Variants in NBAS observed in about 807,000 individuals in gnomAD.
The protein encoded by NBAS is NBAS subunit of NRZ tethering complex.
NBAS carries 219 observed loss-of-function variants against 302.5 expected under a neutral mutation model. The ratio of observed to expected loss-of-function variants is 0.72; its 90% confidence interval spans 0.65 to 0.81. The LOEUF (loss-of-function observed/expected upper bound fraction) is 0.81. Ranked by LOEUF, NBAS falls within the 30% of genes least tolerant of loss-of-function variation. The probability of loss-of-function intolerance (pLI) is 0.00; values close to 1 mark genes in which losing one functional copy is unlikely to be tolerated. For missense variants in NBAS, 2,932 were observed against 2,841.6 expected, an observed-to-expected ratio of 1.03 and a Z score of -0.72; for synonymous variants, 1,118 against 1,021.6, an observed-to-expected ratio of 1.09 and a Z score of -1.80.
intron 6 of NBAS, among the ~76,000 whole-genome samples, chr2:15,544,233 C>A (rs1025181873): frequency 6.6e-6 from 1 of 151,886 alleles, no homozygotes; most frequent in African/African-American, 2.4e-5. Context: ...ATCAGAGAAG[C>A]CAAATATGTA....
intron 16 of NBAS, among the ~76,000 whole-genome samples, chr2:15,471,973 C>G (rs575700040): frequency 6.6e-6 from 1 of 152,162 alleles, no homozygotes. Context: ...GCGGCTAAAA[C>G]TAATTGAGAC....
intron 38 of NBAS, among the ~76,000 whole-genome samples, chr2:15,321,833 G>C (rs1302967574): frequency 1.3e-5 from 2 of 152,128 alleles, no homozygotes; most frequent in African/African-American, 4.8e-5. Context: ...CAGTGTGGCG[G>C]ATTCCTCAAG....
At chr2:14,944,365 C>G in the NBAS span, among the ~76,000 whole-genome samples, 1 of 152,112 alleles carries the variant, frequency 6.6e-6, no homozygotes, top group Non-Finnish European at 1.5e-5. Flanking sequence ...GAATCCTGCA[C>G]AGTGTAAAGT....
chr2:14,787,171 T>C, the NBAS span, among the ~76,000 whole-genome samples: 2 of 152,220 alleles, frequency 1.3e-5, no homozygotes, highest in African/African-American at 4.8e-5. Context: ...TTCCATTTGC[T>C]TGGTAGATCT....
At chr2:15,252,626 G>A (rs1380558798) in intron 44 of NBAS, among the ~76,000 whole-genome samples, 1 of 152,020 alleles carries the variant, frequency 6.6e-6, no homozygotes, top group African/African-American at 2.4e-5. Flanking sequence ...CCTACAGAGT[G>A]AGGTGGAAAA....
At chr2:15,111,230 G>A in the NBAS span, among the ~76,000 whole-genome samples, 1 of 152,132 alleles carries the variant, frequency 6.6e-6, no homozygotes, top group Non-Finnish European at 1.5e-5. Flanking sequence ...ATGGTTGTGA[G>A]ATAGGTGTGT....
chr2:15,042,521 G>T, the NBAS span, among the ~76,000 whole-genome samples: 129 of 152,194 alleles, frequency 8.5e-4, no homozygotes, highest in African/African-American at 2.9e-3. Context: ...GCACACCAAG[G>T]GCTTAGGTAG....
intron 31 of NBAS, among the ~76,000 whole-genome samples, chr2:15,367,447 C>G (rs1320066818): frequency 6.6e-6 from 1 of 152,096 alleles, no homozygotes; most frequent in African/African-American, 2.4e-5. Context: ...GAAAGGAATA[C>G]GAGCTATGTC....
At chr2:15,533,045 T>A (rs1663296487) in intron 9 of NBAS, among the ~76,000 whole-genome samples, 1 of 152,016 alleles carries the variant, frequency 6.6e-6, no homozygotes. Flanking sequence ...ACCAGGGAAG[T>A]ACAAATTAAA....
Position 15,374,710 on chromosome 2 carries a change from G to A in NBAS, c.3601C>T (p.Gln1201Ter). 6.2e-7 allele frequency: 1 copy of A among 1,613,474 alleles called. No individual in the cohort carries two copies. The highest frequency in any genetic ancestry group is 8.5e-7 in the Non-Finnish European group (1 of 1,179,514). Residue 1201 changes from glutamine (Q) to a stop codon, truncating the protein, a stop_gained, in exon 31 of 52, where the codon CAA becomes TAA. Transcript: ENST00000281513. LOFTEE classifies it high-confidence loss of function. ...SCMDLARCCL[Q>*]LITDRPPAIQ... Reference sequence around the variant, plus strand: ...GCAGGGGGTCTGTCTGTTATCAGTTGTAAGCAGCACCTAGAAGAAATTAGA... The same window carrying A: ...GCAGGGGGTCTGTCTGTTATCAGTTATAAGCAGCACCTAGAAGAAATTAGA...
the NBAS span, among the ~76,000 whole-genome samples, chr2:14,809,953 C>A: frequency 2.6e-5 from 4 of 152,216 alleles, no homozygotes; most frequent in African/African-American, 4.8e-5. Context: ...GATTTGACTG[C>A]CCCGCTGTAT....
the NBAS span, among the ~76,000 whole-genome samples, chr2:14,885,676 C>T: frequency 1.1e-4 from 17 of 152,142 alleles, no homozygotes; most frequent in African/African-American, 4.1e-4. Context: ...ACTCAGTCCT[C>T]GAGTGTTCTT....
Position 15,374,635 on chromosome 2 carries a change from A to G in NBAS, c.3676T>C (p.Phe1226Leu). 6.2e-7 allele frequency: 1 copy of G among 1,613,932 alleles called. No individual in the cohort carries two copies. Among genetic ancestry groups the G allele is most frequent in the South Asian group, 1.1e-5 (1 of 91,078 alleles). The change falls in exon 31 of 52, where the codon TTT (phenylalanine) becomes CTT (leucine). Residue 1226 changes from phenylalanine to leucine, a missense_variant. Physicochemically the swap from Phe to Leu is conservative, Grantham distance 22. Coordinates refer to ENST00000281513, the MANE Select transcript of NBAS (RefSeq NM_015909.4). ...TGCAAAGGCAGGATCTTTACCCCAA[A>G]TTCTTCAAGACATCCAACGGCTTGG... Reference protein sequence around the residue: ...LIQAVGCLEEFGVKILPLQVR... With the variant: ...LIQAVGCLEELGVKILPLQVR...
At chr2:15,069,850 T>A in the NBAS span, among the ~76,000 whole-genome samples, 41 of 152,276 alleles carry the variant, frequency 2.7e-4, no homozygotes, top group East Asian at 3.5e-3. Flanking sequence ...TGCGAGTAGA[T>A]CAGCATTATG....
At chr2:15,063,351 T>C in the NBAS span, among the ~76,000 whole-genome samples, 1 of 152,120 alleles carries the variant, frequency 6.6e-6, no homozygotes, top group Non-Finnish European at 1.5e-5. Flanking sequence ...TTCCTTAAGC[T>C]CTGTAGCTCA....
At chr2:15,361,757 T>TC (rs1673937676) in intron 32 of NBAS, among the ~76,000 whole-genome samples, 1 of 151,904 alleles carries the variant, frequency 6.6e-6, no homozygotes, top group South Asian at 2.1e-4. Context: ...GGCAGGCGGA[T>TC]CACCTGAGGT....
At chr2:15,005,159 C>G in the NBAS span, among the ~76,000 whole-genome samples, 1 of 152,116 alleles carries the variant, frequency 6.6e-6, no homozygotes, top group Non-Finnish European at 1.5e-5. Context: ...AACCTACCAC[C>G]TTAACAGATT....
chr2:15,504,892 A>G lies in NBAS; in HGVS notation c.886-679T>C, dbSNP rs141365348. Among the ~76,000 whole-genome samples the G allele has an allele frequency of 6.9e-3, 1,051 of 152,306 alleles. 13 individuals are homozygous for G. The highest frequency in any genetic ancestry group is 0.023 in the African/African-American group (937 of 41,554). ...CACAAAAGAATGAAAACAAGCATTC[A>G]AACAAATATTTGTACATGAATGTTC... is the stretch of plus-strand genomic sequence containing the variant. On this transcript the variant is annotated intron_variant, in intron 10 of 51. Coordinates refer to ENST00000281513, the MANE Select transcript of NBAS (RefSeq NM_015909.4).
intron 48 of NBAS, among the ~76,000 whole-genome samples, chr2:15,203,930 G>GTGTGTGTGTGTGT (rs1553340978): frequency 6.6e-6 from 1 of 150,816 alleles, no homozygotes; most frequent in African/African-American, 2.4e-5. Context: ...GTGTGTGAGT[G>GTGTGTGTGTGTGT]GGGAGGAGGA....
Sources: gnomAD v4.1 joint callset for allele counts (sites outside exome capture counted in the v4.1 genomes callset) on GRCh38, gnomAD v4.1.1 for gene constraint, MANE v1.5 for transcripts, NCBI Gene and HGNC (gene_info 2026-07-23, HGNC 2026-07-21) for gene names.